Variants in PTPN13 observed in about 807,000 individuals in gnomAD.
The protein encoded by PTPN13 is tyrosine-protein phosphatase non-receptor type 13.
In PTPN13, 191 loss-of-function variants were observed where a neutral mutation model predicts 284.0. The observed-to-expected ratio is 0.67, with a 90% confidence interval of 0.60 to 0.76. PTPN13 has a LOEUF of 0.76. Among genes scored for constraint, PTPN13 ranks in the 30% least tolerant of loss-of-function variants. The probability of loss-of-function intolerance (pLI) is 0.00; values close to 1 mark genes in which losing one functional copy is unlikely to be tolerated. For missense variants in PTPN13, 2,797 were observed against 2,939.9 expected, an observed-to-expected ratio of 0.95 and a Z score of 1.12; for synonymous variants, 986 against 1,022.3, an observed-to-expected ratio of 0.96 and a Z score of 0.68.
Position 86,814,826 on chromosome 4 carries a change from C to A in PTPN13, c.*275C>A. ...AAAGGCAGCATTTGATGATAGCAGACATTGTTACAAGGACATGGTGAGTCT... is the reference window on the plus strand; with the variant it reads ...AAAGGCAGCATTTGATGATAGCAGAAATTGTTACAAGGACATGGTGAGTCT... On this transcript the variant is annotated 3_prime_UTR_variant, in exon 48 of 48. Coordinates refer to ENST00000411767, the MANE Select transcript of PTPN13 (RefSeq NM_080683.3). The A allele has an allele frequency of 6.8e-6, 2 of 295,556 alleles. No homozygotes were observed. The highest frequency in any genetic ancestry group is 1.3e-5 in the Non-Finnish European group (2 of 158,638). 18.3% of individuals were successfully genotyped at this position (295,556 alleles called of 1,614,324 possible).
At position 86,771,183 on chromosome 4, in the gene PTPN13, T is replaced by G; in HGVS notation, c.4816T>G (p.Ser1606Ala). Reference sequence around the variant, plus strand: ...GTGTCCATTACAGACCCCACTTCAGTCTCCAGCACAAGTACTTCCAAACAG... The same window carrying G: ...GTGTCCATTACAGACCCCACTTCAGGCTCCAGCACAAGTACTTCCAAACAG... ...IDTALLTPLQSPAQVLPNSSK... is the reference protein window; with the variant it reads ...IDTALLTPLQAPAQVLPNSSK... The change falls in exon 31 of 48, where the codon TCT (serine) becomes GCT (alanine). Residue 1606 changes from serine to alanine, a missense_variant. Physicochemically the swap from Ser to Ala is moderately conservative, Grantham distance 99. Transcript: ENST00000411767. The G allele has an allele frequency of 6.2e-7, 1 of 1,610,218 alleles. No homozygotes were observed. The highest frequency in any genetic ancestry group is 8.5e-7 in the Non-Finnish European group (1 of 1,177,856).
intron 7 of PTPN13, among the ~76,000 whole-genome samples, chr4:86,705,186 T>G (rs1005072639): frequency 4.6e-5 from 7 of 151,836 alleles, no homozygotes; most frequent in Admixed American, 4.6e-4. Flanking sequence ...ATACAAAAAT[T>G]AGCCTGGTGT....
intron 40 of PTPN13, among the ~76,000 whole-genome samples, chr4:86,789,055 G>A (rs1033968616): frequency 6.6e-6 from 1 of 152,184 alleles, no homozygotes; most frequent in Non-Finnish European, 1.5e-5. Context: ...GCAGAGGAAT[G>A]AAGGCATAGA....
chr4:86,726,311 T>C (rs1227102222), intron 10 of PTPN13, among the ~76,000 whole-genome samples: 1 of 149,568 alleles, frequency 6.7e-6, no homozygotes, highest in Non-Finnish European at 1.5e-5. Flanking sequence ...GGCTCTTTTT[T>C]GGTTCCATAT....
chr4:86,693,967 A>G (rs1304030968), intron 6 of PTPN13, among the ~76,000 whole-genome samples: 1 of 152,070 alleles, frequency 6.6e-6, no homozygotes, highest in Admixed American at 6.5e-5. Context: ...GTGGTATTTC[A>G]TATTAAAAAT....
chr4:86,734,966 G>A, intron 14 of PTPN13, 91 bp downstream of exon 14: 4 of 1,390,394 alleles, frequency 2.9e-6, no homozygotes, highest in Non-Finnish European at 3.9e-6. Flanking sequence ...GGTGTTTGAT[G>A]TTTAGATCTG....
At chr4:86,744,296 T>C (rs12502376) in intron 16 of PTPN13, among the ~76,000 whole-genome samples, 12,427 of 152,250 alleles carry the variant, frequency 0.082, 639 homozygotes, top group Non-Finnish European at 0.11. Flanking sequence ...AAAAAAATTA[T>C]TGTTAAACTT....
intron 1 of PTPN13, among the ~76,000 whole-genome samples, chr4:86,627,272 C>T (rs1315866001): frequency 6.6e-6 from 1 of 151,960 alleles, no homozygotes; most frequent in Non-Finnish European, 1.5e-5. Flanking sequence ...CACTACTGAA[C>T]TATACACTTA....
At position 86,780,511 on chromosome 4, in the gene PTPN13, A is replaced by T. The variant is rs1329048116; in HGVS notation, c.5962+39A>T. 3 of 1,362,740 alleles carry T rather than the reference A, an allele frequency of 2.2e-6. No individual in the cohort carries two copies. The Admixed American group carries it at 5.4e-5, about 25-fold the overall frequency. The allele number at this position is 1,362,740 out of a possible 1,614,324, so 84.4% of individuals were successfully genotyped here. On this transcript the variant is annotated intron_variant, in intron 36 of 47. Transcript: ENST00000411767. The stretch of plus-strand genomic sequence containing the variant: ...CATTTTACTGTACTCTCCTACGGTA[A>T]TGGGAATGTAAAATGGCACATCCAT...
chr4:86,734,871 C>G lies in PTPN13; in HGVS notation c.2147C>G (p.Pro716Arg). The G allele has an allele frequency of 6.2e-7, 1 of 1,610,008 alleles. No individual in the cohort carries two copies. Among genetic ancestry groups the G allele is most frequent in the Non-Finnish European group, 8.5e-7 (1 of 1,177,110 alleles). ...CAGGCTGAGTATGGAGATTATCAAC[C>G]AGAGGTAGGATTTGTGTTTTTTTCC... ...ALQAEYGDYQPEVHGVSYFRM... is the reference protein window; with the variant it reads ...ALQAEYGDYQREVHGVSYFRM... The change falls in exon 14 of 48, where the codon CCA becomes CGA. Residue 716 changes from proline (P) to arginine (R), a missense_variant. Pro to Arg is a moderately radical substitution (Grantham distance 103). Coordinates refer to ENST00000411767, the MANE Select transcript of PTPN13 (RefSeq NM_080683.3).
chr4:86,757,452 G>A (rs1320796892), intron 20 of PTPN13, among the ~76,000 whole-genome samples: 2 of 152,082 alleles, frequency 1.3e-5, no homozygotes, highest in African/African-American at 2.4e-5. Context: ...GCTAGACAAG[G>A]AATTATTAAT....
chr4:86,753,338 T>A (rs1230141499), intron 20 of PTPN13, among the ~76,000 whole-genome samples: 1 of 151,974 alleles, frequency 6.6e-6, no homozygotes, highest in Non-Finnish European at 1.5e-5. Flanking sequence ...TTAAAAAGAG[T>A]TTTAACTGAG....
At chr4:86,644,492 A>T (rs2148774434) in intron 2 of PTPN13, among the ~76,000 whole-genome samples, 1 of 152,296 alleles carries the variant, frequency 6.6e-6, no homozygotes, top group East Asian at 1.9e-4. Context: ...TTCCAGGCCC[A>T]TGTTGTTTCA....
chr4:86,759,098 G>A, intron 23 of PTPN13, 25 bp downstream of exon 23: 4 of 1,603,450 alleles, frequency 2.5e-6, no homozygotes, highest in Non-Finnish European at 3.4e-6. Flanking sequence ...TCTTACTTAT[G>A]TATTCTGTTT....
At chr4:86,719,118 C>A (rs894781693) in intron 9 of PTPN13, among the ~76,000 whole-genome samples, 1 of 152,110 alleles carries the variant, frequency 6.6e-6, no homozygotes, top group East Asian at 1.9e-4. Flanking sequence ...TTTTGTTCCT[C>A]TCCTTCCTCC....
At chr4:86,636,299 G>A (rs1362873647) in intron 2 of PTPN13, among the ~76,000 whole-genome samples, 2 of 152,166 alleles carry the variant, frequency 1.3e-5, no homozygotes, top group African/African-American at 4.8e-5. Context: ...ATGGTTTTGC[G>A]GCATTGTGGA....
At chr4:86,677,408 G>A (rs1267875634) in intron 3 of PTPN13, among the ~76,000 whole-genome samples, 6 of 148,868 alleles carry the variant, frequency 4.0e-5, no homozygotes, top group Non-Finnish European at 7.4e-5. Context: ...TCCACCTCCC[G>A]GGTTCAAGTA....
intron 5 of PTPN13, chr4:86,689,764 C>G: frequency 1.4e-6 from 1 of 702,018 alleles, no homozygotes. Flanking sequence ...ATGAAGAATC[C>G]CAAGAATAAC....
intron 23 of PTPN13, 107 bp from the exon 24 acceptor site, chr4:86,762,620 T>C: frequency 1.1e-6 from 1 of 872,226 alleles, no homozygotes; most frequent in Non-Finnish European, 1.8e-6. Flanking sequence ...GTGTTTTGTG[T>C]GTCATCCTTA....
Sources: allele counts gnomAD v4.1 joint callset (sites outside exome capture counted in the v4.1 genomes callset), GRCh38; gene constraint gnomAD v4.1.1; transcripts MANE v1.5; gene names NCBI Gene and HGNC (gene_info 2026-07-23, HGNC 2026-07-21).